CRHR2: variants seen among roughly 807,000 people sequenced by gnomAD.
CRHR2 encodes the protein corticotropin releasing hormone receptor 2.
Under a neutral mutation model 57.9 loss-of-function variants are expected in CRHR2, and 53 were observed. The observed-to-expected ratio is 0.92, with a 90% CI of 0.73 to 1.15. CRHR2 has a LOEUF of 1.15. Among genes scored for constraint, CRHR2 ranks in the 50% most tolerant of loss-of-function variants. The pLI, the probability that CRHR2 is intolerant of heterozygous loss-of-function variation, is 0.00. For missense variants in CRHR2, 532 were observed against 542.6 expected (o/e 0.98, Z 0.19); for synonymous variants, 213 against 220.9 (o/e 0.96, Z 0.32).
chr7:30,686,332 C>T, upstream of CRHR2: 2 of 1,462,992 alleles, frequency 1.4e-6, no homozygotes, highest in East Asian at 5.0e-5. Flanking sequence ...CCATCCCCAG[C>T]ACCCATTGGA....
intron 7 of CRHR2, 107 bp downstream of exon 7, chr7:30,662,049 T>C (rs149265265): frequency 0.036 from 42,800 of 1,177,396 alleles, 914 homozygotes; most frequent in Non-Finnish European, 0.046. Context: ...TCTGTCTAGG[T>C]GTGGCTACAA....
At position 30,653,389 on chromosome 7, in the gene CRHR2, C is replaced by G; in HGVS notation, c.*71G>C. On this transcript the variant is annotated 3_prime_UTR_variant, in exon 12 of 12. Coordinates refer to ENST00000471646, the MANE Select transcript of CRHR2 (RefSeq NM_001883.5). The surrounding 1 kb of genome is among the most constrained non-coding windows in gnomAD (Gnocchi z 5.0). ...CCATCTCCTGCCCCACGAGAGCCTG[C>G]CCAGCACAGAGAACCCAGAGGAAGA... is the stretch of plus-strand genomic sequence containing the variant. The G allele has an allele frequency of 6.4e-7, 1 of 1,573,746 alleles. No homozygotes were observed. The highest frequency in any genetic ancestry group is 8.6e-7 in the Non-Finnish European group (1 of 1,159,404).
chr7:30,668,223 A>C (rs773418275), intron 2 of CRHR2, among the ~76,000 whole-genome samples: 21 of 152,190 alleles, frequency 1.4e-4, no homozygotes, highest in Non-Finnish European at 2.9e-4. Flanking sequence ...CTTTCTCTCT[A>C]TCTCAGCTCC....
intron 1 of CRHR2, among the ~76,000 whole-genome samples, chr7:30,694,356 C>G (rs1785015677): frequency 6.6e-6 from 1 of 152,188 alleles, no homozygotes; most frequent in Non-Finnish European, 1.5e-5. Context: ...GGGAAGGATG[C>G]AGGAATGAGA....
intron 2 of CRHR2, 43 bp from the exon 3 acceptor site, chr7:30,667,356 C>A (rs761481024): frequency 6.4e-7 from 1 of 1,557,544 alleles, no homozygotes; most frequent in Non-Finnish European, 8.9e-7. Flanking sequence ...CACTCCCCTC[C>A]TCAAGAACCC....
chr7:30,692,046 G>T (rs1476357140), intron 1 of CRHR2, among the ~76,000 whole-genome samples: 1 of 152,190 alleles, frequency 6.6e-6, no homozygotes, highest in Non-Finnish European at 1.5e-5. Flanking sequence ...GTGTGGCCTT[G>T]GCAAGCCACT....
intron 1 of CRHR2, among the ~76,000 whole-genome samples, chr7:30,691,157 T>G (rs1784954845): frequency 6.6e-6 from 1 of 152,170 alleles, no homozygotes; most frequent in South Asian, 2.1e-4. Flanking sequence ...GGCCATACTT[T>G]TGGCTGGGTC....
intron 1 of CRHR2, among the ~76,000 whole-genome samples, chr7:30,691,894 T>C (rs1031086498): frequency 6.6e-6 from 1 of 152,136 alleles, no homozygotes; most frequent in Non-Finnish European, 1.5e-5. Flanking sequence ...GAGGCTGCTG[T>C]CCTCAGAAAA....
chr7:30,670,922 G>A (rs62446870), intron 2 of CRHR2, among the ~76,000 whole-genome samples: 12,421 of 152,256 alleles, frequency 0.082, 569 homozygotes, highest in Admixed American at 0.12. Flanking sequence ...TGTAGTCTGG[G>A]AGGCCTGGTT....
chr7:30,695,122 C>G (rs1431210860), intron 1 of CRHR2, among the ~76,000 whole-genome samples: 1 of 127,782 alleles, frequency 7.8e-6, no homozygotes, highest in Non-Finnish European at 1.6e-5. Flanking sequence ...AGGCCCTGCA[C>G]AGACATAGGG....
intron 1 of CRHR2, among the ~76,000 whole-genome samples, chr7:30,699,116 T>C (rs997070708): frequency 6.6e-6 from 1 of 152,174 alleles, no homozygotes; most frequent in Non-Finnish European, 1.5e-5. Context: ...TTGTGAGGCC[T>C]AGGACAGGTC....
At chr7:30,694,893 A>ATGC (rs1785027450) in intron 1 of CRHR2, among the ~76,000 whole-genome samples, 1 of 123,970 alleles carries the variant, frequency 8.1e-6, no homozygotes, top group African/African-American at 3.5e-5. Flanking sequence ...AGGAGAGGGG[A>ATGC]TGATGAGGAG....
At chr7:30,662,135 A>T (rs1228995664) in intron 7 of CRHR2, 21 bp downstream of exon 7, 2 of 1,613,150 alleles carry the variant, frequency 1.2e-6, no homozygotes, top group East Asian at 4.5e-5. Flanking sequence ...ATGACCCCCC[A>T]TGGCTGGCCC....
chr7:30,665,551 A>G lies in CRHR2; in HGVS notation c.404T>C (p.Phe135Ser). 6.4e-7 allele frequency: 1 copy of G among 1,561,670 alleles called. No homozygotes were observed. The highest frequency in any genetic ancestry group is 8.7e-7 in the Non-Finnish European group (1 of 1,152,182). Residue 135 changes from phenylalanine (F) to serine (S), a missense_variant, in exon 4 of 12, where the codon TTC becomes TCC. By Grantham distance (155) the Phe-to-Ser change is radical. Coordinates refer to ENST00000471646, the MANE Select transcript of CRHR2 (RefSeq NM_001883.5). This position sits in a 1 kb window ranked among gnomAD's most constrained non-coding sequence, Gnocchi z 4.5. ...TCACCGCAGGGCCAGGAAAAGCAGG[A>G]AGGCGGCCACCAGGGCTGCCACAGA... ...CVSVAALVAA[F>S]LLFLALRSIR... is the part of the protein sequence containing the mutation.
At chr7:30,654,751 G>A in intron 11 of CRHR2, 1 of 1,536,320 alleles carries the variant, frequency 6.5e-7, no homozygotes, top group Non-Finnish European at 8.7e-7. Context: ...CACCACCTCT[G>A]CTCTGGCTTC....
chr7:30,688,817 GA>G, intron 2 of CRHR2: 1 of 461,598 alleles, frequency 2.2e-6, no homozygotes, highest in South Asian at 1.5e-5. Flanking sequence ...TCCTTACCAG[GA>G]AGTCACACCT....
In CRHR2 at chr7:30,667,330, C is replaced by G. The variant is rs776908463; in HGVS notation, c.230-17G>C. 6.2e-7 allele frequency: 1 copy of G among 1,612,314 alleles called. No individual in the cohort carries two copies. Among genetic ancestry groups the G allele is most frequent in the Non-Finnish European group, 8.5e-7 (1 of 1,178,374 alleles). ...AGGCATTCCCTACAAAAAATGCCAA[C>G]TGCCAAGAGTCAGGTCACTCCCCTC... On this transcript the variant is annotated splice_polypyrimidine_tract_variant and intron_variant, in intron 2 of 11. Transcript: ENST00000471646.
At chr7:30,683,491 C>G (rs916072579), upstream of CRHR2, among the ~76,000 whole-genome samples, 1 of 152,170 alleles carries the variant, frequency 6.6e-6, no homozygotes, top group African/African-American at 2.4e-5. Flanking sequence ...GTGCCCAGGG[C>G]GGGCCTGCTG....
chr7:30,664,784 G>A (rs994227263), intron 5 of CRHR2, among the ~76,000 whole-genome samples: 2 of 152,092 alleles, frequency 1.3e-5, no homozygotes, highest in Non-Finnish European at 2.9e-5. Flanking sequence ...AGGGACTGGT[G>A]AACATCAGTC....
Sources: gnomAD v4.1 joint callset for allele counts (sites outside exome capture counted in the v4.1 genomes callset) on GRCh38, gnomAD v4.1.1 for gene constraint, Gnocchi (gnomAD v3.1) non-coding constraint, MANE v1.5 for transcripts, NCBI Gene and HGNC (gene_info 2026-07-23, HGNC 2026-07-21) for gene names.